PXDNL: variants seen among roughly 807,000 people sequenced by gnomAD.
PXDNL encodes peroxidasin like.
PXDNL carries 145 observed loss-of-function variants against 150.8 expected under a neutral mutation model. The ratio of observed to expected loss-of-function variants is 0.96; its 90% confidence interval spans 0.84 to 1.10. The LOEUF is 1.10. Among genes scored for constraint, PXDNL ranks in the 50% least tolerant of loss-of-function variants. PXDNL has a pLI of 0.00. For synonymous variants in PXDNL, 757 were observed against 725.7 expected (o/e 1.04, Z -0.69); for missense variants, 2,087 against 1,873.9 (o/e 1.11, Z -2.10).
chr8:51,420,381 T>A (rs1195672060), intron 14 of PXDNL, among the ~76,000 whole-genome samples: 2 of 152,334 alleles, frequency 1.3e-5, no homozygotes, highest in South Asian at 4.1e-4. Context: ...TATAAACACA[T>A]ACACACTCCT....
intron 2 of PXDNL, among the ~76,000 whole-genome samples, chr8:51,595,488 C>T (rs73572330): frequency 0.051 from 7,758 of 152,164 alleles, 456 homozygotes; most frequent in African/African-American, 0.15. Context: ...ATTATCTCTA[C>T]ATTTAAATGC....
intron 4 of PXDNL, among the ~76,000 whole-genome samples, chr8:51,501,215 T>C (rs1811169051): frequency 6.6e-6 from 1 of 152,164 alleles, no homozygotes; most frequent in South Asian, 2.1e-4. Flanking sequence ...GACCTGGCAA[T>C]AATTGCCTTT....
intron 3 of PXDNL, among the ~76,000 whole-genome samples, chr8:51,570,311 C>A (rs1020199354): frequency 9.9e-5 from 15 of 151,750 alleles, no homozygotes; most frequent in Non-Finnish European, 2.1e-4. Flanking sequence ...CCCACCCATC[C>A]GGAGAGATGC....
intron 21 of PXDNL, among the ~76,000 whole-genome samples, chr8:51,321,309 G>C (rs1244111033): frequency 1.3e-5 from 2 of 152,098 alleles, no homozygotes; most frequent in Admixed American, 1.3e-4. Flanking sequence ...TATTTATTAA[G>C]TTTCAAAGAT....
At chr8:51,477,572 T>A (rs1810508832) in intron 6 of PXDNL, among the ~76,000 whole-genome samples, 1 of 152,218 alleles carries the variant, frequency 6.6e-6, no homozygotes, top group Non-Finnish European at 1.5e-5. Context: ...AAGTTCACAT[T>A]TATATTTTGA....
chr8:51,394,752 A>G (rs1007450810), intron 17 of PXDNL, among the ~76,000 whole-genome samples: 4 of 152,214 alleles, frequency 2.6e-5, no homozygotes, highest in African/African-American at 9.7e-5. Flanking sequence ...CACTCTAACT[A>G]GCATTCATAG....
intron 1 of PXDNL, among the ~76,000 whole-genome samples, chr8:51,682,212 AAG>A (rs1272082714): frequency 6.6e-6 from 1 of 152,234 alleles, no homozygotes; most frequent in Non-Finnish European, 1.5e-5. Flanking sequence ...CATGCTCAGA[AAG>A]AGTTTTATAG....
chr8:51,602,792 A>G (rs954133857), intron 2 of PXDNL, among the ~76,000 whole-genome samples: 4 of 151,610 alleles, frequency 2.6e-5, no homozygotes, highest in Non-Finnish European at 5.9e-5. Flanking sequence ...ATTTTTTCAA[A>G]GTTTATGTAA....
At position 51,523,213 on chromosome 8, in the gene PXDNL, A is replaced by G. The variant is rs533150959; in HGVS notation, c.381-23443T>C. ...ATGAAAAGTCGATTAAGATAGTAGG[A>G]TTTTTAAGTGATATAGATATAAAAA... On this transcript the variant is annotated intron_variant, in intron 4 of 22. Transcript: ENST00000356297. 2.2e-4 allele frequency among the ~76,000 whole-genome samples: 33 copies of G among 152,364 alleles called. 1 individual carries two copies. The highest frequency in any genetic ancestry group is 3.4e-3 in the Middle Eastern group (1 of 294).
intron 1 of PXDNL, among the ~76,000 whole-genome samples, chr8:51,749,553 C>T (rs957302226): frequency 3.9e-5 from 6 of 152,142 alleles, no homozygotes; most frequent in South Asian, 2.1e-4. Flanking sequence ...CTGCATAGGG[C>T]ACTCACTTTG....
chr8:51,350,351 C>CTGCTTTTT (rs1554528094), intron 19 of PXDNL, among the ~76,000 whole-genome samples: 2 of 72,834 alleles, frequency 2.7e-5, no homozygotes, highest in Non-Finnish European at 5.2e-5. Context: ...GCAAATGCAG[C>CTGCTTTTT]TTCTTTTTTT....
At chr8:51,557,682 G>A (rs1481470462) in intron 3 of PXDNL, among the ~76,000 whole-genome samples, 2 of 152,042 alleles carry the variant, frequency 1.3e-5, no homozygotes, top group African/African-American at 4.8e-5. Flanking sequence ...ATCACCTGGT[G>A]GTTTGTTAAA....
chr8:51,779,738 T>G lies in PXDNL; in HGVS notation c.164+29443A>C, dbSNP rs149888431. ...AGAAGGCTGCCACATAATAGTTGGC[T>G]GTCTTCATCCCTTTTCAGCTGTGAC... On this transcript the variant is annotated intron_variant, in intron 1 of 22. Coordinates refer to ENST00000356297, the MANE Select transcript of PXDNL (RefSeq NM_144651.5). Among the ~76,000 whole-genome samples, 387 of 152,354 alleles carry G rather than the reference T, an allele frequency of 2.5e-3. 2 individuals are homozygous for G. The highest frequency in any genetic ancestry group is 9.0e-3 in the African/African-American group (375 of 41,586).
At chr8:51,550,365 G>A (rs1289982711) in intron 4 of PXDNL, among the ~76,000 whole-genome samples, 1 of 151,908 alleles carries the variant, frequency 6.6e-6, no homozygotes, top group Admixed American at 6.6e-5. Context: ...CCAAAACGAG[G>A]AGATGATGTA....
At chr8:51,354,278 G>A (rs1248022352) in intron 19 of PXDNL, among the ~76,000 whole-genome samples, 4 of 151,996 alleles carry the variant, frequency 2.6e-5, no homozygotes, top group Non-Finnish European at 4.4e-5. Context: ...TTATCATCAT[G>A]CTTATGCTAA....
chr8:51,547,828 A>T (rs912534645), intron 4 of PXDNL, among the ~76,000 whole-genome samples: 1 of 152,234 alleles, frequency 6.6e-6, no homozygotes, highest in African/African-American at 2.4e-5. Context: ...CTAGCAATGG[A>T]TCCAAACAAA....
intron 14 of PXDNL, among the ~76,000 whole-genome samples, chr8:51,418,533 TC>T (rs1320613390): frequency 1.3e-5 from 2 of 152,230 alleles, no homozygotes; most frequent in Non-Finnish European, 2.9e-5. Context: ...GATTAAAATG[TC>T]AAATAATTCA....
At chr8:51,688,998 G>A (rs969135388) in intron 1 of PXDNL, among the ~76,000 whole-genome samples, 7 of 152,138 alleles carry the variant, frequency 4.6e-5, no homozygotes, top group African/African-American at 1.4e-4. Context: ...GCCCCAGCAC[G>A]TCTCCCTTGC....
intron 3 of PXDNL, among the ~76,000 whole-genome samples, chr8:51,561,158 G>A (rs900685546): frequency 2.0e-5 from 3 of 151,966 alleles, no homozygotes; most frequent in Non-Finnish European, 2.9e-5. Flanking sequence ...CTGTTGGTAG[G>A]AATGTAAATT....
Sources: allele counts gnomAD v4.1 joint callset (sites outside exome capture counted in the v4.1 genomes callset), GRCh38; gene constraint gnomAD v4.1.1; transcripts MANE v1.5; gene names NCBI Gene and HGNC (gene_info 2026-07-23, HGNC 2026-07-21).